The following SIRPG variants were observed in gnomAD, a reference collection of about 807,000 sequenced individuals.
SIRPG encodes the protein signal regulatory protein gamma, also known as signal-regulatory protein gamma.
In SIRPG, 38 loss-of-function variants were observed where a neutral mutation model predicts 35.7. That is an observed-to-expected ratio of 1.06 (90% confidence interval 0.82 to 1.40). The LOEUF is 1.40. SIRPG is among the 40% of genes most tolerant of loss of function. The pLI is 0.00. For missense variants in SIRPG, 519 were observed against 483.0 expected (o/e 1.07, Z -0.70); for synonymous variants, 215 against 190.4 (o/e 1.13, Z -1.06).
At chr20:1,634,429 G>A (rs991169347) in intron 4 of SIRPG, among the ~76,000 whole-genome samples, 21 of 151,446 alleles carry the variant, frequency 1.4e-4, no homozygotes, top group African/African-American at 4.4e-4. Flanking sequence ...GGATGGTCTC[G>A]ATCTCCTGAC....
At position 1,636,229 on chromosome 20, in the gene SIRPG, T is replaced by A; in HGVS notation, c.707A>T (p.Asp236Val). The A allele has an allele frequency of 6.2e-7, 1 of 1,613,882 alleles. No homozygotes were observed. Among genetic ancestry groups the A allele is most frequent in the Non-Finnish European group, 8.5e-7 (1 of 1,179,960 alleles). ...CEVAHVTLQG[D>V]PLRGTANLSE... ...CAAGTTGGCAGTCCCACGAAGAGGGTCCCCCTGCAAGGTGACATGGGCCAC... is the reference window on the plus strand; with the variant it reads ...CAAGTTGGCAGTCCCACGAAGAGGGACCCCCTGCAAGGTGACATGGGCCAC... Residue 236 changes from aspartate to valine, a missense_variant, in exon 3 of 6, where the codon GAC (aspartate) becomes GTC (valine). Transcript: ENST00000303415.
At chr20:1,636,094 A>C (rs2091797672) in intron 3 of SIRPG, 94 bp downstream of exon 3, 1 of 1,557,046 alleles carries the variant, frequency 6.4e-7, no homozygotes, top group Non-Finnish European at 8.8e-7. Flanking sequence ...GGATTAGATT[A>C]CAGGCCATTC....
At chr20:1,634,368 G>C (rs1031043385) in intron 4 of SIRPG, among the ~76,000 whole-genome samples, 2 of 151,682 alleles carry the variant, frequency 1.3e-5, no homozygotes. Context: ...CACCACGCCC[G>C]GCTCATTTTT....
At chr20:1,645,011 T>C (rs925215507) in intron 2 of SIRPG, among the ~76,000 whole-genome samples, 5 of 152,314 alleles carry the variant, frequency 3.3e-5, no homozygotes, top group Middle Eastern at 3.4e-3. Context: ...CTGCGTGACA[T>C]CTTGGTGTTT....
the SIRPG span, among the ~76,000 whole-genome samples, chr20:1,672,620 C>A: frequency 2.0e-5 from 3 of 152,192 alleles, no homozygotes; most frequent in African/African-American, 7.2e-5. Flanking sequence ...ATCCCCTATA[C>A]AAAACCTTTC....
At chr20:1,663,700 T>A in the SIRPG span, among the ~76,000 whole-genome samples, 1 of 152,206 alleles carries the variant, frequency 6.6e-6, no homozygotes, top group Non-Finnish European at 1.5e-5. Flanking sequence ...GAATGTTGCG[T>A]GTAAATGAAA....
chr20:1,675,820 C>T, the SIRPG span, among the ~76,000 whole-genome samples: 1 of 152,160 alleles, frequency 6.6e-6, no homozygotes, highest in Non-Finnish European at 1.5e-5. Context: ...TTGCTTCAAC[C>T]TCAAAGAGCA....
chr20:1,645,084 C>T (rs774747786), intron 2 of SIRPG, among the ~76,000 whole-genome samples: 1 of 152,096 alleles, frequency 6.6e-6, no homozygotes, highest in Non-Finnish European at 1.5e-5. Flanking sequence ...TAGATACACA[C>T]GTTTTCACGA....
the SIRPG span, among the ~76,000 whole-genome samples, chr20:1,673,169 GA>G: frequency 6.6e-6 from 1 of 152,180 alleles, no homozygotes; most frequent in African/African-American, 2.4e-5. Flanking sequence ...GCACAGTAAA[GA>G]GGGTGTCACT....
At position 1,636,374 on chromosome 20, in the gene SIRPG, C is replaced by T. The variant is rs773223492; in HGVS notation, c.562G>A (p.Glu188Lys). ...ACGTTGGTCTGGAAGTCTGAGAGCT[C>T]ATTCCCATTTTTGAACCATTTCAGG... ...ITLKWFKNGN[E>K]LSDFQTNVDP... is the part of the protein sequence containing the mutation. The change falls in exon 3 of 6, where the codon GAG (glutamate) becomes AAG (lysine). Residue 188 changes from glutamate to lysine, a missense_variant. Coordinates refer to ENST00000303415, the MANE Select transcript of SIRPG (RefSeq NM_018556.4). 1.2e-6 allele frequency: 2 copies of T among 1,614,228 alleles called. No individual in the cohort carries two copies. Among genetic ancestry groups the T allele is most frequent in the South Asian group, 2.2e-5 (2 of 91,086 alleles).
the SIRPG span, among the ~76,000 whole-genome samples, chr20:1,667,771 C>T: frequency 4.9e-4 from 75 of 152,164 alleles, no homozygotes; most frequent in African/African-American, 1.7e-3. Flanking sequence ...AAATCTCCAC[C>T]CAGGGATGTG....
intron 3 of SIRPG, 124 bp downstream of exon 3, chr20:1,636,064 C>T (rs773992685): frequency 3.7e-5 from 51 of 1,360,086 alleles, no homozygotes; most frequent in South Asian, 2.0e-4. Context: ...AGGTGCATGG[C>T]GGGCGGGCAG....
intron 2 of SIRPG, chr20:1,647,688 T>A (rs1011818473): frequency 6.6e-6 from 1 of 152,196 alleles, no homozygotes; most frequent in Non-Finnish European, 1.5e-5. Flanking sequence ...GATATTTCCA[T>A]AAATTGGAGT....
At position 1,636,175 on chromosome 20, in the gene SIRPG, G is replaced by T. The variant is rs1040638982; in HGVS notation, c.748+13C>A. The T allele has an allele frequency of 1.2e-6, 2 of 1,614,054 alleles. No individual in the cohort carries two copies. Among genetic ancestry groups the T allele is most frequent in the African/African-American group, 1.3e-5 (1 of 75,032 alleles). On this transcript the variant is annotated intron_variant, in intron 3 of 5. Coordinates refer to ENST00000303415, the MANE Select transcript of SIRPG (RefSeq NM_018556.4). ...CCAGGTGTGGGCTTGGGCTGGGTGT[G>T]AGGGTCCTCTACCTCGGATGGCCTC... is the stretch of plus-strand genomic sequence containing the variant.
Position 1,634,299 on chromosome 20 carries a change from T to C in SIRPG, c.1081+968A>G, listed in dbSNP as rs971788832. Among the ~76,000 whole-genome samples, 79 of 150,332 alleles carry C rather than the reference T, an allele frequency of 5.3e-4. 3 individuals are homozygous for C. The highest frequency in any genetic ancestry group is 5.1e-4 in the African/African-American group (21 of 40,860). ...TCGGCTCACTGCAAGCTCCGCCTCC[T>C]GGGTTCACACCATTCTCCTGCCTCA... is the stretch of plus-strand genomic sequence containing the variant. On this transcript the variant is annotated intron_variant, in intron 4 of 5. Transcript: ENST00000303415.
At chr20:1,666,450 T>G in the SIRPG span, 1 of 152,192 alleles carries the variant, frequency 6.6e-6, no homozygotes, top group Non-Finnish European at 1.5e-5. Context: ...GGATTGAGTG[T>G]GTGCACTAAG....
At chr20:1,663,732 A>G in the SIRPG span, among the ~76,000 whole-genome samples, 1 of 152,260 alleles carries the variant, frequency 6.6e-6, no homozygotes, top group Non-Finnish European at 1.5e-5. Context: ...GAGGACTCCA[A>G]AGCTTTTGAA....
the SIRPG span, among the ~76,000 whole-genome samples, chr20:1,668,225 TTCTTTCTTTCTTTCTTTC>T: frequency 2.3e-5 from 3 of 128,462 alleles, no homozygotes; most frequent in Admixed American, 7.9e-5. Context: ...CTTTCTTTCT[TTCTTTCTTTCTTTCTTTC>T]TTTCTTTTTC....
chr20:1,636,370 A>C lies in SIRPG; in HGVS notation c.566T>G (p.Leu189Arg). Residue 189 changes from leucine to arginine, a missense_variant, in exon 3 of 6, where the codon CTC (leucine) becomes CGC (arginine). Leu to Arg is a moderately radical substitution (Grantham distance 102, BLOSUM62 -2). Coordinates refer to ENST00000303415, the MANE Select transcript of SIRPG (RefSeq NM_018556.4). ...TLKWFKNGNE[L>R]SDFQTNVDPT... ...GTCCACGTTGGTCTGGAAGTCTGAG[A>C]GCTCATTCCCATTTTTGAACCATTT... The C allele has an allele frequency of 6.2e-7, 1 of 1,614,212 alleles. No individual in the cohort carries two copies. The highest frequency in any genetic ancestry group is 8.5e-7 in the Non-Finnish European group (1 of 1,180,030).
Sources: gnomAD v4.1 joint callset for allele counts (sites outside exome capture counted in the v4.1 genomes callset) on GRCh38, gnomAD v4.1.1 for gene constraint, MANE v1.5 for transcripts, NCBI Gene and HGNC (gene_info 2026-07-23, HGNC 2026-07-21) for gene names.